Variants in MILR1 observed in about 807,000 individuals in gnomAD.
The protein encoded by MILR1 is allergin-1.
In MILR1, 31 loss-of-function variants were observed where a neutral mutation model predicts 18.5. That is an observed-to-expected ratio of 1.68 (90% CI 1.26 to 2.26). The LOEUF (loss-of-function observed/expected upper bound fraction) is 2.26, where lower values mean the gene tolerates loss of function less well. Ranked by LOEUF, MILR1 falls within the 30% of genes most tolerant of loss-of-function variation. The probability of loss-of-function intolerance (pLI) is 0.00; values close to 1 mark genes in which losing one functional copy is unlikely to be tolerated. For missense variants in MILR1, 257 were observed against 157.4 expected, an observed-to-expected ratio of 1.63 and a Z score of -3.38; for synonymous variants, 85 against 56.2, an observed-to-expected ratio of 1.51 and a Z score of -2.30.
intron 2 of MILR1, among the ~76,000 whole-genome samples, chr17:64,450,039 A>G (rs2037132024): frequency 6.6e-6 from 1 of 151,776 alleles, no homozygotes; most frequent in Non-Finnish European, 1.5e-5. Flanking sequence ...CCCAGGTTCA[A>G]GTGATTCTCC....
chr17:64,482,795 GA>G, the MILR1 span: 2 of 666,094 alleles, frequency 3.0e-6, no homozygotes, highest in African/African-American at 3.6e-5. Flanking sequence ...TAAGATTTTG[GA>G]TTTTTGGATT....
chr17:64,485,524 C>T, the MILR1 span: 2 of 588,014 alleles, frequency 3.4e-6, no homozygotes, highest in Admixed American at 2.9e-5. Context: ...TTTGGGATTA[C>T]TTATTAGGGA....
At chr17:64,466,412 C>G (rs1459809617) in intron 6 of MILR1, 30 bp from the exon 7 acceptor site, 1 of 1,605,136 alleles carries the variant, frequency 6.2e-7, no homozygotes, top group Non-Finnish European at 8.5e-7. Flanking sequence ...ACGCCACCAA[C>G]CCCCAATTTA....
the MILR1 span, chr17:64,482,838 T>C: frequency 1.2e-6 from 1 of 831,368 alleles, no homozygotes; most frequent in Admixed American, 1.8e-5. Flanking sequence ...AAATCCGAGA[T>C]CCAAAATGGT....
chr17:64,450,989 G>A (rs1417210031), intron 2 of MILR1, among the ~76,000 whole-genome samples: 1 of 152,108 alleles, frequency 6.6e-6, no homozygotes, highest in Non-Finnish European at 1.5e-5. Context: ...AGGTCATAGG[G>A]CATACACATT....
chr17:64,483,023 G>A, the MILR1 span: 21 of 1,211,514 alleles, frequency 1.7e-5, no homozygotes, highest in Non-Finnish European at 2.6e-5. Context: ...ATGGGGGAGG[G>A]AGAAGACAGG....
In MILR1 at chr17:64,449,128, T is replaced by G; in HGVS notation, c.-41T>G. 1 of 455,994 alleles carries G rather than the reference T, an allele frequency of 2.2e-6. No homozygotes were observed. Among genetic ancestry groups the G allele is most frequent in the Non-Finnish European group, 4.0e-6 (1 of 248,824 alleles). The allele number at this position is 455,994 out of a possible 1,614,324, so 28.2% of individuals were successfully genotyped here. The stretch of plus-strand genomic sequence containing the variant: ...TCCGAGTTACTCACCACTGTGGTTC[T>G]ACTATGCCTTCTGACCCCGTCTTGG... On this transcript the variant is annotated 5_prime_UTR_variant, in exon 1 of 10. Transcript: ENST00000619286.
At chr17:64,474,946 C>T in the MILR1 span, among the ~76,000 whole-genome samples, 1 of 152,070 alleles carries the variant, frequency 6.6e-6, no homozygotes, top group African/African-American at 2.4e-5. Flanking sequence ...GTAATTCCAA[C>T]ACTTTGGGAG....
chr17:64,459,971 T>C (rs1448070868), intron 4 of MILR1, among the ~76,000 whole-genome samples: 1 of 146,460 alleles, frequency 6.8e-6, no homozygotes, highest in Non-Finnish European at 1.5e-5. Flanking sequence ...TTTTAAACTT[T>C]ATTATTTTTA....
At chr17:64,486,147 C>T in the MILR1 span, among the ~76,000 whole-genome samples, 4 of 152,282 alleles carry the variant, frequency 2.6e-5, no homozygotes, top group Non-Finnish European at 4.4e-5. Flanking sequence ...CCCACGAAGA[C>T]GATAAAGATG....
intron 3 of MILR1, among the ~76,000 whole-genome samples, chr17:64,453,636 T>A (rs2037225792): frequency 7.2e-6 from 1 of 139,680 alleles, no homozygotes; most frequent in Admixed American, 7.5e-5. Flanking sequence ...AGGGGCCCCA[T>A]CCGCTAGCAC....
At chr17:64,487,313 T>G in the MILR1 span, 6 of 152,242 alleles carry the variant, frequency 3.9e-5, no homozygotes, top group Admixed American at 2.6e-4. Context: ...GTCGAACTGA[T>G]AGTTAATAAG....
intron 6 of MILR1, 94 bp downstream of exon 6, chr17:64,465,635 G>A: frequency 7.6e-7 from 1 of 1,319,216 alleles, no homozygotes; most frequent in Non-Finnish European, 1.1e-6. Context: ...GGGGGGTGGA[G>A]CAAAAGGGAT....
the MILR1 span, among the ~76,000 whole-genome samples, chr17:64,476,824 C>CA: frequency 2.1e-5 from 3 of 143,840 alleles, no homozygotes; most frequent in South Asian, 4.4e-4. Context: ...CCTGTCTCTA[C>CA]AAAAAAAATT....
the MILR1 span, among the ~76,000 whole-genome samples, chr17:64,488,824 C>T: frequency 2.0e-5 from 3 of 151,996 alleles, no homozygotes; most frequent in South Asian, 2.1e-4. Flanking sequence ...AAAAATTAAC[C>T]GGGCGTGGTG....
At chr17:64,457,158 C>T (rs1038361125) in intron 3 of MILR1, among the ~76,000 whole-genome samples, 9 of 152,070 alleles carry the variant, frequency 5.9e-5, no homozygotes, top group Non-Finnish European at 1.3e-4. Flanking sequence ...AGAGAGATGC[C>T]CTCCACTCTC....
At chr17:64,462,564 C>A (rs1020473335) in intron 5 of MILR1, among the ~76,000 whole-genome samples, 2 of 151,694 alleles carry the variant, frequency 1.3e-5, no homozygotes, top group African/African-American at 4.8e-5. Context: ...TTGTTTGGGG[C>A]TGGAAGTATT....
the MILR1 span, chr17:64,496,661 C>A: frequency 2.5e-6 from 4 of 1,614,036 alleles, no homozygotes; most frequent in Admixed American, 3.3e-5. Context: ...CAACTCTACG[C>A]CCAAGGGTCC....
In MILR1 at chr17:64,456,753, A is replaced by G. The variant is rs1050254754; in HGVS notation, c.368-647A>G. On this transcript the variant is annotated intron_variant, in intron 3 of 9. Transcript: ENST00000619286. The stretch of plus-strand genomic sequence containing the variant: ...GGAGTTTGAGGTTACAGTGAGCTAT[A>G]ATTGTGCCACTTCACTCCAGCATGG... 1.8e-4 allele frequency among the ~76,000 whole-genome samples: 28 copies of G among 152,110 alleles called. 1 individual carries two copies. The highest frequency in any genetic ancestry group is 1.3e-4 in the Admixed American group (2 of 15,254).
Sources: gnomAD v4.1 joint callset for allele counts (sites outside exome capture counted in the v4.1 genomes callset) on GRCh38, gnomAD v4.1.1 for gene constraint, MANE v1.5 for transcripts, NCBI Gene and HGNC (gene_info 2026-07-23, HGNC 2026-07-21) for gene names.